Variants in ZNF608 observed in about 807,000 individuals in gnomAD.
ZNF608 encodes zinc finger protein 608.
Under a neutral mutation model 109.0 loss-of-function variants are expected in ZNF608, and 12 were observed. The ratio of observed to expected loss-of-function variants is 0.11; its 90% confidence interval spans 0.07 to 0.18. The LOEUF (loss-of-function observed/expected upper bound fraction) is 0.18. Ranked by LOEUF, ZNF608 falls within the 10% of genes least tolerant of loss-of-function variation. The pLI is 1.00. For missense variants in ZNF608, 1,707 were observed against 1,879.3 expected (o/e 0.91, Z 1.70); for synonymous variants, 732 against 717.4 (o/e 1.02, Z -0.33).
intron 8 of ZNF608, among the ~76,000 whole-genome samples, chr5:124,640,131 C>G (rs1012522764): frequency 6.6e-6 from 1 of 152,174 alleles, no homozygotes; most frequent in African/African-American, 2.4e-5. Flanking sequence ...ATGACCCCTT[C>G]ACATTTGTAT....
chr5:124,691,371 T>G (rs1321587550), intron 3 of ZNF608, among the ~76,000 whole-genome samples: 2 of 152,160 alleles, frequency 1.3e-5, no homozygotes, highest in African/African-American at 4.8e-5. Context: ...AGATGCTCAG[T>G]GCTCAGCATC....
At chr5:124,697,392 T>C (rs537393372) in intron 3 of ZNF608, among the ~76,000 whole-genome samples, 48 of 151,972 alleles carry the variant, frequency 3.2e-4, no homozygotes, top group Admixed American at 2.8e-3. Context: ...AAGAGCAAAT[T>C]TTCAAACAAA....
chr5:124,638,202 G>A (rs953588610), intron 9 of ZNF608, among the ~76,000 whole-genome samples: 2 of 151,180 alleles, frequency 1.3e-5, no homozygotes, highest in African/African-American at 2.4e-5. Flanking sequence ...TGCCCACCTC[G>A]GCCTCCCAAA....
In ZNF608 at chr5:124,683,039, C is replaced by T. The variant is rs143188050; in HGVS notation, c.1162+17975G>A. Among the ~76,000 whole-genome samples, 1,003 of 151,532 alleles carry T rather than the reference C, an allele frequency of 6.6e-3. 5 individuals are homozygous for T. Among genetic ancestry groups the T allele is most frequent in the Middle Eastern group, 0.027 (8 of 294 alleles). ...GTCTCTCTCTCTCTCTCTCTCTCTC[C>T]CCCTCTCTATCTGATCTTGCTGGGA... On this transcript the variant is annotated intron_variant, in intron 3 of 9. Transcript: ENST00000513986.
Position 124,649,685 on chromosome 5 carries a change from AC to A in ZNF608, c.1174del (p.Val392SerfsTer37). On this transcript the variant is annotated frameshift_variant, in exon 4 of 10. Coordinates refer to ENST00000513986, the MANE Select transcript of ZNF608 (RefSeq NM_020747.3). LOFTEE classifies it high-confidence loss of function. ...CGTTTTGTTCCTCCACGTGACATTG[AC>A]CACTAGGACACCTGCAGGAGGCAGG... Reference protein sequence around the residue: ...WHETEEGVLVVNVTWRNKTYV... With the variant: ...WHETEEGVLVXNVTWRNKTYV... The A allele has an allele frequency of 6.3e-7, 1 of 1,599,938 alleles. No individual in the cohort carries two copies.
rs2149783981 is a variant in ZNF608 at position 124,643,571 on chromosome 5, T to C, written c.4236A>G (p.Glu1412=). 1 of 1,614,220 alleles carries C rather than the reference T, an allele frequency of 6.2e-7. No homozygotes were observed. Among genetic ancestry groups the C allele is most frequent in the South Asian group, 1.1e-5 (1 of 91,088 alleles). Residue 1412 remains glutamate, a synonymous_variant, in exon 7 of 10, where the codon GAA becomes GAG. Coordinates refer to ENST00000513986, the MANE Select transcript of ZNF608 (RefSeq NM_020747.3). ...GCTGGAGCAAATCCAGTGCTTTAGA[T>C]TCAGTGGTTGTTTTCGTGTTGACGC... The part of the protein sequence containing the change: ...SPSVNTKTTT[E]SKALDLLQQH...
intron 3 of ZNF608, among the ~76,000 whole-genome samples, chr5:124,700,376 T>TG (rs1753003195): frequency 6.6e-6 from 1 of 152,284 alleles, no homozygotes; most frequent in Admixed American, 6.5e-5. Flanking sequence ...AGATTAATCC[T>TG]GATCCATTTC....
chr5:124,668,616 C>T (rs1473498240), intron 3 of ZNF608, among the ~76,000 whole-genome samples: 1 of 152,106 alleles, frequency 6.6e-6, no homozygotes, highest in Admixed American at 6.6e-5. Flanking sequence ...CACACAGCAG[C>T]CTCTGGGGTA....
At chr5:124,700,945 C>T in intron 3 of ZNF608, 69 bp downstream of exon 3, 1 of 1,578,382 alleles carries the variant, frequency 6.3e-7, no homozygotes, top group Non-Finnish European at 8.6e-7. Context: ...AAATTCTCCT[C>T]ACAGGTGGAC....
At chr5:124,706,973 C>T (rs182480270) in intron 2 of ZNF608, among the ~76,000 whole-genome samples, 80 of 152,204 alleles carry the variant, frequency 5.3e-4, no homozygotes, top group Non-Finnish European at 9.6e-4. Flanking sequence ...ACACAGAGAG[C>T]GGCACTTAGT....
At chr5:124,690,173 G>A (rs948138366) in intron 3 of ZNF608, among the ~76,000 whole-genome samples, 1 of 152,220 alleles carries the variant, frequency 6.6e-6, no homozygotes, top group Non-Finnish European at 1.5e-5. Context: ...TCTTTAGAAA[G>A]AGCAAAACAA....
intron 3 of ZNF608, among the ~76,000 whole-genome samples, chr5:124,679,958 C>T (rs1451649374): frequency 2.0e-5 from 3 of 152,058 alleles, no homozygotes; most frequent in Non-Finnish European, 4.4e-5. Context: ...ACCAGCTTGG[C>T]GAACAGCTCA....
intron 2 of ZNF608, among the ~76,000 whole-genome samples, chr5:124,719,661 TC>T (rs575625508): frequency 7.1e-4 from 108 of 152,304 alleles, no homozygotes; most frequent in African/African-American, 2.5e-3. Flanking sequence ...AATCAAAGAT[TC>T]TTTATGTGGG....
intron 9 of ZNF608, chr5:124,638,745 T>C (rs986600807): frequency 1.4e-6 from 1 of 713,446 alleles, no homozygotes; most frequent in African/African-American, 2.0e-5. Flanking sequence ...TCATAAAACT[T>C]AGGGAATAAT....
chr5:124,650,796 T>G (rs1750741357), intron 3 of ZNF608, among the ~76,000 whole-genome samples: 1 of 152,240 alleles, frequency 6.6e-6, no homozygotes, highest in South Asian at 2.1e-4. Context: ...CCAGAAGACA[T>G]TAGTCAAAAT....
Position 124,666,709 on chromosome 5 carries a change from CTGTGTGTGTGTGTGTGTGTGTG to C in ZNF608, c.1163-17034_1163-17013del, listed in dbSNP as rs10546271. Among the ~76,000 whole-genome samples the C allele has an allele frequency of 3.8e-3, 531 of 141,052 alleles. 2 individuals carry two copies. Among genetic ancestry groups the C allele is most frequent in the Middle Eastern group, 0.012 (3 of 260 alleles). 92.5% of individuals were successfully genotyped at this position (141,052 alleles called of 152,430 possible). A position where few individuals can be genotyped will look rare whatever the true frequency, so the allele number is the denominator to read the frequency against. ...TATCAAAATACAAACTGGGTTTGCT[CTGTGTGTGTGTGTGTGTGTGTG>C]TGTGTGTGTGTGTGTGTGTGTGTGT... On this transcript the variant is annotated intron_variant, in intron 3 of 9. Transcript: ENST00000513986.
In ZNF608 at chr5:124,647,612, C is replaced by A; in HGVS notation, c.2772G>T (p.Gln924His). The change falls in exon 5 of 10, where the codon CAG (glutamine) becomes CAT (histidine). Residue 924 changes from glutamine (Q) to histidine (H), a missense_variant. Physicochemically the swap from Gln to His is conservative, Grantham distance 24. Transcript: ENST00000513986. ...TTGCAGCTGAACTCTCTGCCCCATT[C>A]TGGGTCAACACATGCAGAGGTGCCA... ...APMAPLHVLT[Q>H]NGAESSAAKT... The A allele has an allele frequency of 1.2e-6, 2 of 1,614,236 alleles. No homozygotes were observed. The highest frequency in any genetic ancestry group is 1.7e-6 in the Non-Finnish European group (2 of 1,180,052).
At chr5:124,719,396 A>G (rs559275507) in intron 2 of ZNF608, among the ~76,000 whole-genome samples, 16 of 152,246 alleles carry the variant, frequency 1.1e-4, no homozygotes, top group Non-Finnish European at 1.5e-4. Flanking sequence ...CATAAGCCAC[A>G]CTGCGAAATG....
intron 3 of ZNF608, among the ~76,000 whole-genome samples, chr5:124,691,993 A>G (rs773618257): frequency 4.6e-5 from 7 of 152,168 alleles, no homozygotes; most frequent in Non-Finnish European, 8.8e-5. Flanking sequence ...TTTCCCATCT[A>G]CATTTTTACT....
Sources: gnomAD v4.1 joint callset for allele counts (sites outside exome capture counted in the v4.1 genomes callset) on GRCh38, gnomAD v4.1.1 for gene constraint, MANE v1.5 for transcripts, NCBI Gene and HGNC (gene_info 2026-07-23, HGNC 2026-07-21) for gene names.